PPARG: variants seen among roughly 807,000 people sequenced by gnomAD.
The protein encoded by PPARG is peroxisome proliferator-activated receptor gamma.
A neutral mutation model predicts 39.2 loss-of-function variants in PPARG; 17 were observed. That is an observed-to-expected ratio of 0.43 (90% CI 0.30 to 0.65). The LOEUF (loss-of-function observed/expected upper bound fraction) is 0.65, where lower values mean the gene tolerates loss of function less well. Ranked by LOEUF, PPARG falls within the 30% of genes least tolerant of loss-of-function variation. PPARG has a pLI of 0.13. For synonymous variants in PPARG, 223 were observed against 215.7 expected (o/e 1.03, Z -0.30); for missense variants, 406 against 585.9 (o/e 0.69, Z 3.17).
At chr3:12,287,722 C>T (rs2046534856), upstream of PPARG, 1 of 151,340 alleles carries the variant, frequency 6.6e-6, no homozygotes, top group African/African-American at 2.4e-5. Context: ...GCCGGTGGCT[C>T]CCGCCGTGGG....
intron 2 of PPARG, among the ~76,000 whole-genome samples, chr3:12,339,830 C>G (rs969472226): frequency 1.3e-5 from 2 of 152,218 alleles, no homozygotes; most frequent in African/African-American, 4.8e-5. Flanking sequence ...ATGATTCCCC[C>G]TCCCTCAAAT....
At chr3:12,403,639 A>G (rs1414768235) in intron 5 of PPARG, among the ~76,000 whole-genome samples, 1 of 152,162 alleles carries the variant, frequency 6.6e-6, no homozygotes, top group Non-Finnish European at 1.5e-5. Flanking sequence ...TACAGGTGTG[A>G]GCTACCACAC....
At chr3:12,334,170 G>T (rs756693338) in intron 2 of PPARG, among the ~76,000 whole-genome samples, 2 of 151,126 alleles carry the variant, frequency 1.3e-5, no homozygotes, top group Admixed American at 6.6e-5. Flanking sequence ...AAAGTTTTTT[G>T]ACCTGATTTA....
chr3:12,367,064 A>G (rs767521686), intron 2 of PPARG, among the ~76,000 whole-genome samples: 112 of 152,168 alleles, frequency 7.4e-4, no homozygotes, highest in Non-Finnish European at 1.1e-3. Context: ...ATTCAATTTC[A>G]TTAATAAATG....
At chr3:12,331,402 G>A (rs188644815) in intron 2 of PPARG, among the ~76,000 whole-genome samples, 11 of 152,306 alleles carry the variant, frequency 7.2e-5, no homozygotes, top group African/African-American at 2.4e-4. Context: ...AGGCTGTGAT[G>A]TGGGAAACAG....
At chr3:12,309,909 A>C (rs1333014985) in intron 1 of PPARG, among the ~76,000 whole-genome samples, 1 of 152,198 alleles carries the variant, frequency 6.6e-6, no homozygotes, top group Non-Finnish European at 1.5e-5. Context: ...TGCTGTCTTC[A>C]CAGCCCAGTT....
intron 2 of PPARG, among the ~76,000 whole-genome samples, chr3:12,343,375 C>G (rs1226877448): frequency 1.3e-5 from 2 of 152,198 alleles, no homozygotes; most frequent in African/African-American, 4.8e-5. Context: ...CATCTCCATG[C>G]ACAGTCAGAA....
At chr3:12,383,952 G>C (rs1559517883) in intron 4 of PPARG, among the ~76,000 whole-genome samples, 1 of 152,000 alleles carries the variant, frequency 6.6e-6, no homozygotes, top group African/African-American at 2.4e-5. Context: ...AAGACTCTAG[G>C]GGAGTCCTTA....
chr3:12,391,772 C>G (rs1301452391), intron 4 of PPARG, among the ~76,000 whole-genome samples: 1 of 152,108 alleles, frequency 6.6e-6, no homozygotes. Context: ...TAATGCAGTG[C>G]TTTTTGCACC....
intron 2 of PPARG, among the ~76,000 whole-genome samples, chr3:12,322,509 G>A (rs1408833975): frequency 6.6e-6 from 1 of 152,224 alleles, no homozygotes; most frequent in Non-Finnish European, 1.5e-5. Context: ...GTTCAGAGAA[G>A]AAGATACACG....
At chr3:12,412,474 C>T (rs558029132) in intron 6 of PPARG, among the ~76,000 whole-genome samples, 9 of 152,164 alleles carry the variant, frequency 5.9e-5, no homozygotes, top group Non-Finnish European at 1.0e-4. Context: ...ATCAAAATGT[C>T]AAAATATTGA....
chr3:12,352,509 G>A lies in PPARG; in HGVS notation c.-8-27195G>A, dbSNP rs113716686. On this transcript the variant is annotated intron_variant, in intron 2 of 7. Coordinates refer to ENST00000651735, the MANE Select transcript of PPARG (RefSeq NM_138711.6). The stretch of plus-strand genomic sequence containing the variant: ...AGCACAGCCTTTTCTGTTTTGTATT[G>A]TCTCGTATTGATGTCTATATTTCTA... Among the ~76,000 whole-genome samples, 545 of 152,068 alleles carry A rather than the reference G, an allele frequency of 3.6e-3. 4 individuals are homozygous for A. Among genetic ancestry groups the A allele is most frequent in the Non-Finnish European group, 4.2e-3 (283 of 67,992 alleles).
intron 2 of PPARG, among the ~76,000 whole-genome samples, chr3:12,345,729 T>C (rs912594556): frequency 6.6e-6 from 1 of 152,150 alleles, no homozygotes; most frequent in Non-Finnish European, 1.5e-5. Flanking sequence ...TAAATTTCCT[T>C]TAGTACAGTC....
At chr3:12,351,690 G>A in intron 2 of PPARG, 1 of 1,585,392 alleles carries the variant, frequency 6.3e-7, no homozygotes, top group South Asian at 1.1e-5. Flanking sequence ...GTTCCTTCCA[G>A]ATACGGCTAT....
intron 2 of PPARG, among the ~76,000 whole-genome samples, chr3:12,375,704 G>T (rs2125158712): frequency 6.6e-6 from 1 of 152,306 alleles, no homozygotes; most frequent in East Asian, 1.9e-4. Flanking sequence ...AGTTGGATGG[G>T]TGCCCTGTCC....
chr3:12,344,298 C>G (rs991392679), intron 2 of PPARG, among the ~76,000 whole-genome samples: 1 of 152,088 alleles, frequency 6.6e-6, no homozygotes, highest in Admixed American at 6.5e-5. Flanking sequence ...AGTCTTCTTA[C>G]TTTTACTAAT....
intron 2 of PPARG, among the ~76,000 whole-genome samples, chr3:12,372,503 T>G (rs566846480): frequency 1.3e-5 from 2 of 152,268 alleles, no homozygotes; most frequent in East Asian, 3.9e-4. Context: ...AATGACACAA[T>G]CCGGGCACAA....
At chr3:12,415,495 G>T (rs1342716075) in intron 6 of PPARG, among the ~76,000 whole-genome samples, 2 of 152,170 alleles carry the variant, frequency 1.3e-5, no homozygotes, top group African/African-American at 4.8e-5. Context: ...AGTCAGAACA[G>T]CCTTGAGAAT....
intron 2 of PPARG, among the ~76,000 whole-genome samples, chr3:12,324,108 G>A (rs923193314): frequency 1.8e-4 from 27 of 151,934 alleles, no homozygotes; most frequent in African/African-American, 4.8e-4. Context: ...GTGAAATCCC[G>A]TTTCCACTAA....
Sources: gnomAD v4.1 joint callset for allele counts (sites outside exome capture counted in the v4.1 genomes callset) on GRCh38, gnomAD v4.1.1 for gene constraint, MANE v1.5 for transcripts, NCBI Gene and HGNC (gene_info 2026-07-23, HGNC 2026-07-21) for gene names.